MALRD1: variants seen among roughly 807,000 people sequenced by gnomAD.
The protein encoded by MALRD1 is MAM and LDL-receptor class A domain-containing protein 1.
MALRD1 carries 247 observed loss-of-function variants against 242.1 expected under a neutral mutation model. The observed-to-expected ratio is 1.02, with a 90% CI of 0.92 to 1.13. The LOEUF (loss-of-function observed/expected upper bound fraction) is 1.13. MALRD1 is among the 50% of genes most tolerant of loss of function. MALRD1 has a pLI of 0.00. For missense variants in MALRD1, 2,989 were observed against 2,533.1 expected (o/e 1.18, Z -3.86); for synonymous variants, 995 against 866.6 (o/e 1.15, Z -2.60).
At chr10:19,414,553 C>T (rs1833426203) in intron 28 of MALRD1, among the ~76,000 whole-genome samples, 1 of 152,112 alleles carries the variant, frequency 6.6e-6, no homozygotes, top group Non-Finnish European at 1.5e-5. Context: ...TGACATCTAG[C>T]ATTTAATATG....
intron 29 of MALRD1, among the ~76,000 whole-genome samples, chr10:19,454,375 T>G (rs1835505573): frequency 7.6e-6 from 1 of 130,840 alleles, no homozygotes; most frequent in African/African-American, 3.0e-5. Flanking sequence ...TGGTTGTGAG[T>G]AGAAATGAGG....
In MALRD1 at chr10:19,133,889, A is replaced by G. The variant is rs561540170; in HGVS notation, c.1144A>G (p.Thr382Ala). 4 of 1,231,106 alleles carry G rather than the reference A, an allele frequency of 3.2e-6. No individual in the cohort carries two copies. The Admixed American group carries it at 1.7e-4, about 52-fold the overall frequency. 76.3% of individuals were successfully genotyped at this position (1,231,106 alleles called of 1,614,324 possible). ...EEIFWTYNIS[T>A]HSQWVKADVL... ...AATATTTTGGACATACAACATATCA[A>G]CTCACAGCCAATGGGTGAAAGCAGA... Residue 382 changes from threonine (T) to alanine (A), a missense_variant, in exon 9 of 40, where the codon ACT becomes GCT. Physicochemically the swap from Thr to Ala is moderately conservative, Grantham distance 58. Coordinates refer to ENST00000454679, the MANE Select transcript of MALRD1 (RefSeq NM_001142308.3).
intron 38 of MALRD1, among the ~76,000 whole-genome samples, chr10:19,700,853 A>C (rs990916645): frequency 6.6e-6 from 1 of 152,138 alleles, no homozygotes; most frequent in African/African-American, 2.4e-5. Context: ...TACAAGTTGC[A>C]CTCAAGAGAG....
intron 14 of MALRD1, among the ~76,000 whole-genome samples, chr10:19,194,529 A>G (rs1213196181): frequency 6.6e-6 from 1 of 152,094 alleles, no homozygotes; most frequent in Admixed American, 6.6e-5. Context: ...ATTACCATAC[A>G]CGAGCTGTCT....
At chr10:19,102,071 C>CACA (rs917495866) in intron 4 of MALRD1, among the ~76,000 whole-genome samples, 55 of 88,190 alleles carry the variant, frequency 6.2e-4, no homozygotes, top group African/African-American at 2.4e-3. Context: ...ATAATTATAA[C>CACA]ATATATATGG....
At chr10:19,276,382 T>G (rs2131865008) in intron 19 of MALRD1, among the ~76,000 whole-genome samples, 1 of 152,272 alleles carries the variant, frequency 6.6e-6, no homozygotes, top group East Asian at 1.9e-4. Flanking sequence ...AATTAGATTA[T>G]TTTTAAGACC....
At chr10:19,660,108 T>G (rs1010844418) in intron 36 of MALRD1, among the ~76,000 whole-genome samples, 1 of 152,164 alleles carries the variant, frequency 6.6e-6, no homozygotes, top group South Asian at 2.1e-4. Context: ...AAGTACACCC[T>G]TGTAGTAACA....
At position 19,466,985 on chromosome 10, in the gene MALRD1, G is replaced by C. The variant is rs540829647; in HGVS notation, c.5029+16495G>C. Among the ~76,000 whole-genome samples the C allele has an allele frequency of 2.7e-4, 41 of 152,058 alleles. No individual in the cohort carries two copies. In the South Asian group the frequency reaches 7.7e-3, roughly 28 times the overall value. On this transcript the variant is annotated intron_variant, in intron 29 of 39. Coordinates refer to ENST00000454679, the MANE Select transcript of MALRD1 (RefSeq NM_001142308.3). ...GGGATGTTTAACATGTTCATGCCTG[G>C]CGTCTGTCTCTCGCTTTCTAAGGAC...
chr10:19,370,310 G>T (rs922823070), intron 26 of MALRD1, among the ~76,000 whole-genome samples: 1 of 151,966 alleles, frequency 6.6e-6, no homozygotes, highest in African/African-American at 2.4e-5. Flanking sequence ...TGTTAATCTG[G>T]GAGGATTGGT....
intron 36 of MALRD1, among the ~76,000 whole-genome samples, chr10:19,628,327 T>A (rs913493462): frequency 6.6e-5 from 10 of 152,162 alleles, no homozygotes; most frequent in African/African-American, 1.7e-4. Flanking sequence ...CCTACTAACA[T>A]ATTAACAAGA....
rs563399946 is a variant in MALRD1 at position 19,402,210 on chromosome 10, A to C, written c.4845+12601A>C. Among the ~76,000 whole-genome samples, 16 of 152,262 alleles carry C rather than the reference A, an allele frequency of 1.1e-4. No homozygotes were observed. The East Asian group carries it at 2.3e-3, about 22-fold the overall frequency. ...TTATCTTTTGAGAGAGCAAGTTGTC[A>C]AACTTAACACAATCACCAAACTTGA... On this transcript the variant is annotated intron_variant, in intron 28 of 39. Coordinates refer to ENST00000454679, the MANE Select transcript of MALRD1 (RefSeq NM_001142308.3).
chr10:19,095,064 T>A (rs1835974245), intron 4 of MALRD1, among the ~76,000 whole-genome samples: 1 of 152,224 alleles, frequency 6.6e-6, no homozygotes. Flanking sequence ...GTTATTAGAA[T>A]GATATAATAA....
chr10:19,293,900 C>T (rs1202735202), intron 21 of MALRD1, among the ~76,000 whole-genome samples: 1 of 152,168 alleles, frequency 6.6e-6, no homozygotes, highest in East Asian at 1.9e-4. Flanking sequence ...ACCCCTGAAC[C>T]TAAATGTTTA....
intron 12 of MALRD1, among the ~76,000 whole-genome samples, chr10:19,158,873 G>T (rs1019377435): frequency 1.3e-5 from 2 of 152,146 alleles, no homozygotes; most frequent in African/African-American, 2.4e-5. Flanking sequence ...CCCAAAGTAG[G>T]ACAATGAACT....
Position 19,190,306 on chromosome 10 carries a change from T to A in MALRD1, c.1952-13422T>A, listed in dbSNP as rs535618259. 3.9e-5 allele frequency among the ~76,000 whole-genome samples: 6 copies of A among 152,194 alleles called. No homozygotes were observed. In the South Asian group the frequency reaches 1.2e-3, roughly 32 times the overall value. ...CATTTCTGAAATAAATTTTTAAAAA[T>A]ATAGATAATGAAAAGACATTCCATG... On this transcript the variant is annotated intron_variant, in intron 14 of 39. Transcript: ENST00000454679.
chr10:19,443,012 A>C (rs545906256), intron 28 of MALRD1, among the ~76,000 whole-genome samples: 1 of 152,146 alleles, frequency 6.6e-6, no homozygotes, highest in Non-Finnish European at 1.5e-5. Context: ...ATATTGACCT[A>C]TTCAGGGATT....
At chr10:19,138,946 C>A (rs1833448390) in intron 10 of MALRD1, among the ~76,000 whole-genome samples, 1 of 152,064 alleles carries the variant, frequency 6.6e-6, no homozygotes, top group Non-Finnish European at 1.5e-5. Context: ...AATTGTGTTT[C>A]TCAACAAAAA....
chr10:19,724,223 G>T (rs1434307643), intron 38 of MALRD1, among the ~76,000 whole-genome samples: 1 of 152,154 alleles, frequency 6.6e-6, no homozygotes, highest in Non-Finnish European at 1.5e-5. Context: ...CAGTTTTACA[G>T]ACACACCAAG....
Position 19,268,103 on chromosome 10 carries a change from A to G in MALRD1, c.3079+10332A>G, listed in dbSNP as rs74121427. 9.7e-3 allele frequency among the ~76,000 whole-genome samples: 1,473 copies of G among 152,260 alleles called. 26 individuals carry two copies. Among genetic ancestry groups the G allele is most frequent in the African/African-American group, 0.032 (1,328 of 41,570 alleles). On this transcript the variant is annotated intron_variant, in intron 19 of 39. Coordinates refer to ENST00000454679, the MANE Select transcript of MALRD1 (RefSeq NM_001142308.3). ...AAGGTTGTCTAAATGGTTAGTTCAC[A>G]GCTTGGAAATTTTCCATCTGCTACT...
Sources: allele counts gnomAD v4.1 joint callset (sites outside exome capture counted in the v4.1 genomes callset), GRCh38; gene constraint gnomAD v4.1.1; transcripts MANE v1.5; gene names NCBI Gene and HGNC (gene_info 2026-07-23, HGNC 2026-07-21).